TTI1: variants seen among roughly 807,000 people sequenced by gnomAD.
The protein encoded by TTI1 is TELO2 interacting protein 1.
In TTI1, 52 loss-of-function variants were observed where a neutral mutation model predicts 85.4. The observed-to-expected ratio is 0.61, with a 90% CI of 0.49 to 0.77. The LOEUF (loss-of-function observed/expected upper bound fraction) is 0.77, where lower values mean the gene tolerates loss of function less well. TTI1 is among the 30% of genes least tolerant of loss of function. The probability of loss-of-function intolerance (pLI) is 0.00; values close to 1 mark genes in which losing one functional copy is unlikely to be tolerated. For synonymous variants in TTI1, 512 were observed against 503.9 expected (o/e 1.02, Z -0.22); for missense variants, 1,173 against 1,296.0 (o/e 0.91, Z 1.46).
intron 7 of TTI1, among the ~76,000 whole-genome samples, chr20:37,992,278 T>A (rs913833578): frequency 4.6e-5 from 7 of 152,008 alleles, no homozygotes; most frequent in Admixed American, 1.3e-4. Context: ...TGACTTCATC[T>A]TCTTCTTTTT....
At chr20:38,008,169 G>A (rs183762673) in intron 2 of TTI1, among the ~76,000 whole-genome samples, 95 of 152,300 alleles carry the variant, frequency 6.2e-4, no homozygotes, top group Middle Eastern at 6.8e-3. Context: ...TGGCACTCTC[G>A]TACATTGCTG....
chr20:38,022,640 C>T lies in TTI1; in HGVS notation c.-41-8783G>A, dbSNP rs1600652869. 2.0e-5 allele frequency among the ~76,000 whole-genome samples: 3 copies of T among 151,678 alleles called. No individual in the cohort carries two copies. The South Asian group carries it at 6.3e-4, about 32-fold the overall frequency. On this transcript the variant is annotated intron_variant, in intron 1 of 7. Coordinates refer to ENST00000373447, the MANE Select transcript of TTI1 (RefSeq NM_001303457.2). ...AGTTTTTCCTACAGGTAGTTGATCT[C>T]GTCTACACTGGGAGGGTCCTGCTAG...
intron 1 of TTI1, among the ~76,000 whole-genome samples, chr20:38,021,270 T>C (rs1462522697): frequency 1.3e-5 from 2 of 152,176 alleles, no homozygotes; most frequent in African/African-American, 4.8e-5. Flanking sequence ...GCATAACACA[T>C]TGCTACTTTG....
chr20:38,009,307 T>C (rs1000125159), intron 2 of TTI1, among the ~76,000 whole-genome samples: 1 of 152,104 alleles, frequency 6.6e-6, no homozygotes, highest in Non-Finnish European at 1.5e-5. Flanking sequence ...GACTCCCCAG[T>C]GACTAGCCCA....
chr20:37,987,572 G>A (rs1019686356), intron 7 of TTI1: 1 of 357,144 alleles, frequency 2.8e-6, no homozygotes, highest in Non-Finnish European at 5.5e-6. Flanking sequence ...GGTCCCCAGA[G>A]TATCGGGAGG....
chr20:38,010,932 TATTAAA>T (rs979892763), intron 2 of TTI1, among the ~76,000 whole-genome samples: 15 of 152,244 alleles, frequency 9.9e-5, no homozygotes, highest in African/African-American at 3.6e-4. Context: ...TACATGTGGC[TATTAAA>T]ATTAAGTAAA....
At chr20:38,031,630 C>T (rs1228982661) in intron 1 of TTI1, among the ~76,000 whole-genome samples, 1 of 152,144 alleles carries the variant, frequency 6.6e-6, no homozygotes, top group East Asian at 1.9e-4. Context: ...AAAGTAAGTT[C>T]CTGAGAACGT....
intron 1 of TTI1, among the ~76,000 whole-genome samples, chr20:38,019,766 G>C (rs2073737042): frequency 6.6e-6 from 1 of 152,212 alleles, no homozygotes; most frequent in South Asian, 2.1e-4. Context: ...TTTTGGGTGG[G>C]ATAATTACTT....
At chr20:38,010,020 T>A (rs2073559777) in intron 2 of TTI1, among the ~76,000 whole-genome samples, 2 of 152,240 alleles carry the variant, frequency 1.3e-5, no homozygotes, top group Admixed American at 1.3e-4. Flanking sequence ...TTGTTTATCA[T>A]CTCTCTTGCA....
Position 37,989,214 on chromosome 20 carries a change from G to A in TTI1, c.3087-5575C>T, listed in dbSNP as rs138887800. ...ATTACCTTTGCAGCTATACATGCTC[G>A]TTTGACTTAACTATGTTTACCTGTT... On this transcript the variant is annotated intron_variant, in intron 7 of 7. Transcript: ENST00000373447. 8.0e-3 allele frequency among the ~76,000 whole-genome samples: 1,221 copies of A among 152,240 alleles called. 6 individuals carry two copies. The highest frequency in any genetic ancestry group is 0.023 in the African/African-American group (952 of 41,548).
Position 37,996,954 on chromosome 20 carries a change from C to A in TTI1, c.2794-1G>T, listed in dbSNP as rs6013635. Reference sequence around the variant, plus strand: ...ACTTGCTTCCCAGGGTACGTAAAACCTGCAGAAACAGCCTCCAACCTGGTG... The same window carrying A: ...ACTTGCTTCCCAGGGTACGTAAAACATGCAGAAACAGCCTCCAACCTGGTG... On this transcript the variant is annotated splice_acceptor_variant, in intron 5 of 7. Transcript: ENST00000373447. LOFTEE classifies it high-confidence loss of function. 54 of 1,612,940 alleles carry A rather than the reference C, an allele frequency of 3.3e-5. No homozygotes were observed. Among genetic ancestry groups the A allele is most frequent in the Non-Finnish European group, 2.5e-6 (3 of 1,179,538 alleles).
At chr20:38,028,581 C>T (rs890834181) in intron 1 of TTI1, among the ~76,000 whole-genome samples, 1 of 152,174 alleles carries the variant, frequency 6.6e-6, no homozygotes, top group Admixed American at 6.5e-5. Flanking sequence ...ATTCCTCTCT[C>T]AACAATGGAT....
chr20:37,999,856 T>C (rs1260289933), intron 4 of TTI1, among the ~76,000 whole-genome samples: 1 of 151,556 alleles, frequency 6.6e-6, no homozygotes, highest in African/African-American at 2.4e-5. Context: ...TACAAAGGGG[T>C]TTGTTAGGAA....
intron 4 of TTI1, 31 bp from the exon 5 acceptor site, chr20:37,999,359 T>C (rs746764692): frequency 7.4e-7 from 1 of 1,360,130 alleles, no homozygotes; most frequent in Non-Finnish European, 9.6e-7. Flanking sequence ...GCAGATGGTA[T>C]AGGCTTGAAA....
At chr20:37,997,438 G>C (rs2122514538) in intron 5 of TTI1, among the ~76,000 whole-genome samples, 1 of 152,332 alleles carries the variant, frequency 6.6e-6, no homozygotes, top group East Asian at 1.9e-4. Flanking sequence ...TCCCTGGGCT[G>C]AACCAAGGCA....
intron 7 of TTI1, among the ~76,000 whole-genome samples, chr20:37,986,210 CTTCAAGGAATAT>C (rs1357102876): frequency 6.6e-6 from 1 of 152,196 alleles, no homozygotes; most frequent in African/African-American, 2.4e-5. Context: ...GCTCTCCCAG[CTTCAAGGAATAT>C]TTTTATCTGG....
chr20:38,009,680 T>A (rs559903734), intron 2 of TTI1, among the ~76,000 whole-genome samples: 56 of 152,226 alleles, frequency 3.7e-4, no homozygotes, highest in Non-Finnish European at 6.8e-4. Flanking sequence ...TTTTTCCATT[T>A]TTAGTAGAGA....
chr20:37,991,216 A>G (rs1327648731), intron 7 of TTI1, among the ~76,000 whole-genome samples: 1 of 152,232 alleles, frequency 6.6e-6, no homozygotes, highest in East Asian at 1.9e-4. Context: ...AGGAAAAAAT[A>G]TTAGGTGTGT....
intron 1 of TTI1, among the ~76,000 whole-genome samples, chr20:38,032,405 G>T (rs949517439): frequency 6.6e-6 from 1 of 152,222 alleles, no homozygotes; most frequent in Non-Finnish European, 1.5e-5. Context: ...CTAAACTAGA[G>T]TCTGCCCACA....
Sources: gnomAD v4.1 joint callset for allele counts (sites outside exome capture counted in the v4.1 genomes callset) on GRCh38, gnomAD v4.1.1 for gene constraint, MANE v1.5 for transcripts, NCBI Gene and HGNC (gene_info 2026-07-23, HGNC 2026-07-21) for gene names.